The following CACNB2 variants were observed in gnomAD, a reference collection of about 807,000 sequenced individuals.
CACNB2 encodes voltage-dependent L-type calcium channel subunit beta-2.
In CACNB2, 42 loss-of-function variants were observed where a neutral mutation model predicts 73.3. The observed-to-expected ratio is 0.57, with a 90% confidence interval of 0.45 to 0.74. The LOEUF (loss-of-function observed/expected upper bound fraction) is 0.74, where lower values mean the gene tolerates loss of function less well. Ranked by LOEUF, CACNB2 falls within the 30% of genes least tolerant of loss-of-function variation. CACNB2 has a pLI of 0.00. For synonymous variants in CACNB2, 348 were observed against 310.3 expected (o/e 1.12, Z -1.28); for missense variants, 940 against 853.0 (o/e 1.10, Z -1.27).
At chr10:18,435,832 T>A (rs1009480551) in intron 3 of CACNB2, among the ~76,000 whole-genome samples, 11 of 151,962 alleles carry the variant, frequency 7.2e-5, no homozygotes, top group Non-Finnish European at 1.2e-4. Context: ...ATAGGTTTGT[T>A]TATCCTGAAA....
chr10:18,349,904 G>A (rs1005145542), intron 2 of CACNB2, among the ~76,000 whole-genome samples: 9 of 152,104 alleles, frequency 5.9e-5, no homozygotes, highest in Non-Finnish European at 1.2e-4. Flanking sequence ...TATTGCGCAC[G>A]TATGTTGCAT....
chr10:18,417,360 C>CTTTTTTTTTT (rs34847923), intron 3 of CACNB2, among the ~76,000 whole-genome samples: 1 of 87,016 alleles, frequency 1.1e-5, no homozygotes, highest in African/African-American at 5.2e-5. Flanking sequence ...GCTAAAAATT[C>CTTTTTTTTTT]TTTTTTTTTT....
chr10:18,158,770 T>C (rs746229535), intron 2 of CACNB2, among the ~76,000 whole-genome samples: 1 of 152,046 alleles, frequency 6.6e-6, no homozygotes, highest in African/African-American at 2.4e-5. Context: ...GGAAGAAAAA[T>C]AGGTGGGGAA....
chr10:18,465,315 G>C (rs1172552350), intron 3 of CACNB2, among the ~76,000 whole-genome samples: 1 of 152,154 alleles, frequency 6.6e-6, no homozygotes, highest in Non-Finnish European at 1.5e-5. Context: ...GGGCGACAAA[G>C]CAAGACTCTG....
chr10:18,407,281 C>G (rs1235187000), intron 3 of CACNB2, among the ~76,000 whole-genome samples: 1 of 151,314 alleles, frequency 6.6e-6, no homozygotes, highest in African/African-American at 2.4e-5. Flanking sequence ...ACCACCACAC[C>G]CAGATAATTT....
intron 3 of CACNB2, among the ~76,000 whole-genome samples, chr10:18,409,860 G>T (rs909067269): frequency 2.0e-5 from 3 of 152,114 alleles, no homozygotes; most frequent in African/African-American, 7.2e-5. Flanking sequence ...ACTTAGGATG[G>T]AGATCTTATA....
At chr10:18,323,614 G>T (rs2040475870) in intron 2 of CACNB2, among the ~76,000 whole-genome samples, 1 of 152,088 alleles carries the variant, frequency 6.6e-6, no homozygotes, top group Non-Finnish European at 1.5e-5. Flanking sequence ...GTGTAAGATT[G>T]TATGGAATTA....
intron 2 of CACNB2, among the ~76,000 whole-genome samples, chr10:18,315,499 TAAAAAAAAAAAAAAAAA>T (rs756721525): frequency 2.5e-5 from 1 of 39,512 alleles, no homozygotes; most frequent in Non-Finnish European, 4.3e-5. Context: ...TGTCTCTATT[TAAAAAAAAAAAAAAAAA>T]AAAAAAAAAA....
intron 2 of CACNB2, among the ~76,000 whole-genome samples, chr10:18,196,650 A>G (rs999278420): frequency 6.6e-6 from 1 of 152,166 alleles, no homozygotes; most frequent in Non-Finnish European, 1.5e-5. Flanking sequence ...CTGTGTGCCA[A>G]TCACTTACTG....
chr10:18,265,167 T>C (rs1014774692), intron 2 of CACNB2, among the ~76,000 whole-genome samples: 8 of 150,892 alleles, frequency 5.3e-5, no homozygotes, highest in Non-Finnish European at 1.0e-4. Context: ...TTTTTTTTTT[T>C]TGAGATGGAG....
rs572906909 is a variant in CACNB2 at position 18,197,245 on chromosome 10, C to T, written c.213+46270C>T. Reference sequence around the variant, plus strand: ...CACAGGGAACACTCAGTAAATGCTTCCTGAATGAGCAAATCCCTTCCTTCT... The same window carrying T: ...CACAGGGAACACTCAGTAAATGCTTTCTGAATGAGCAAATCCCTTCCTTCT... On this transcript the variant is annotated intron_variant, in intron 2 of 13. Transcript: ENST00000324631. Among the ~76,000 whole-genome samples, 272 of 152,318 alleles carry T rather than the reference C, an allele frequency of 1.8e-3. 1 individual carries two copies. The South Asian group carries it at 0.019, about 10-fold the overall frequency.
rs79272108 is a variant in CACNB2, at chr10:18,269,839, T to A, written c.213+118864T>A. 1.1e-4 allele frequency among the ~76,000 whole-genome samples: 16 copies of A among 152,300 alleles called. No individual in the cohort carries two copies. The East Asian group carries it at 2.7e-3, about 26-fold the overall frequency. On this transcript the variant is annotated intron_variant, in intron 2 of 13. Transcript: ENST00000324631. Reference sequence around the variant, plus strand: ...TAGATTAAATGACACTTTTATACTCTCCATTGTCCAAGCCAGAAACATGGT... The same window carrying A: ...TAGATTAAATGACACTTTTATACTCACCATTGTCCAAGCCAGAAACATGGT...
intron 2 of CACNB2, among the ~76,000 whole-genome samples, chr10:18,283,611 AC>A (rs2038653512): frequency 6.8e-6 from 1 of 146,912 alleles, no homozygotes; most frequent in Non-Finnish European, 1.5e-5. Context: ...ATAGGTGGAA[AC>A]TGAACAATGA....
intron 2 of CACNB2, among the ~76,000 whole-genome samples, chr10:18,319,750 G>C (rs1444514387): frequency 6.6e-6 from 1 of 152,164 alleles, no homozygotes; most frequent in Non-Finnish European, 1.5e-5. Flanking sequence ...GGGGAAGTGT[G>C]AGCGTTTTGC....
chr10:18,242,435 G>A lies in CACNB2; in HGVS notation c.213+91460G>A, dbSNP rs572462387. Among the ~76,000 whole-genome samples, 102 of 152,180 alleles carry A rather than the reference G, an allele frequency of 6.7e-4. 1 individual carries two copies. The highest frequency in any genetic ancestry group is 3.4e-3 in the Middle Eastern group (1 of 294). On this transcript the variant is annotated intron_variant, in intron 2 of 13. Transcript: ENST00000324631. ...ATTAGAACGATGAAAAGGTTGAAAG[G>A]TCTTTCTTAGTTTTGATGTAATAAA...
At chr10:18,381,874 G>A (rs1475198654) in intron 2 of CACNB2, among the ~76,000 whole-genome samples, 1 of 151,884 alleles carries the variant, frequency 6.6e-6, no homozygotes, top group African/African-American at 2.4e-5. Context: ...CTCACCCAGA[G>A]CACCAAAACC....
At chr10:18,411,926 C>T (rs993878695) in intron 3 of CACNB2, among the ~76,000 whole-genome samples, 5 of 152,224 alleles carry the variant, frequency 3.3e-5, no homozygotes, top group Admixed American at 2.0e-4. Context: ...ACAAACAGAT[C>T]TCAGCCTAGT....
intron 3 of CACNB2, among the ~76,000 whole-genome samples, chr10:18,430,378 A>G (rs374522174): frequency 3.6e-4 from 55 of 152,254 alleles, no homozygotes; most frequent in African/African-American, 1.3e-3. Context: ...AAAATTGCAT[A>G]TCAGGATTTC....
chr10:18,205,843 A>C (rs572848419), intron 2 of CACNB2, among the ~76,000 whole-genome samples: 1 of 152,256 alleles, frequency 6.6e-6, no homozygotes, highest in South Asian at 2.1e-4. Flanking sequence ...GAGTTTCTAC[A>C]ACCCATCAGA....
Sources: gnomAD v4.1 joint callset for allele counts (sites outside exome capture counted in the v4.1 genomes callset) on GRCh38, gnomAD v4.1.1 for gene constraint, MANE v1.5 for transcripts, NCBI Gene and HGNC (gene_info 2026-07-23, HGNC 2026-07-21) for gene names.